The following RBFOX1 variants were observed in gnomAD, a reference collection of about 807,000 sequenced individuals.
RBFOX1 encodes RNA binding fox-1 homolog 1.
In RBFOX1, 8 loss-of-function variants were observed where a neutral mutation model predicts 57.7. The ratio of observed to expected loss-of-function variants is 0.14; its 90% CI spans 0.08 to 0.25. RBFOX1 has a LOEUF of 0.25. RBFOX1 is among the 10% of genes least tolerant of loss of function. RBFOX1 has a pLI of 1.00. For synonymous variants in RBFOX1, 326 were observed against 222.4 expected, an observed-to-expected ratio of 1.47 and a Z score of -4.15; for missense variants, 611 against 548.5, an observed-to-expected ratio of 1.11 and a Z score of -1.14.
At chr16:6,128,211 A>G (rs986514485) in intron 1 of RBFOX1, among the ~76,000 whole-genome samples, 2 of 152,194 alleles carry the variant, frequency 1.3e-5, no homozygotes, top group African/African-American at 2.4e-5. Context: ...TATTGGGTTA[A>G]ATTCAATATA....
At position 7,391,781 on chromosome 16, in the gene RBFOX1, TAAAAGG is replaced by T. The variant is rs538199508; in HGVS notation, c.28-126363_28-126358del. ...TATACAGTAGGCTTTTAACAGTGACTAAAAGGAAGAGTGAGTCGGTGGATGGATGGA... is the reference window on the plus strand; with the variant it reads ...TATACAGTAGGCTTTTAACAGTGACTAAGAGTGAGTCGGTGGATGGATGGA... On this transcript the variant is annotated intron_variant, in intron 4 of 15. Coordinates refer to ENST00000550418, the MANE Select transcript of RBFOX1 (RefSeq NM_018723.4). Among the ~76,000 whole-genome samples the T allele has an allele frequency of 1.4e-4, 21 of 152,318 alleles. No homozygotes were observed. The South Asian group carries it at 4.3e-3, about 32-fold the overall frequency.
At chr16:7,672,936 C>G (rs1379416186) in intron 13 of RBFOX1, among the ~76,000 whole-genome samples, 1 of 134,584 alleles carries the variant, frequency 7.4e-6, no homozygotes, top group African/African-American at 2.8e-5. Context: ...TTAAAATGTT[C>G]TTATAAGTAT....
At chr16:5,255,526 A>G (rs1002937229) in intron 1 of RBFOX1, among the ~76,000 whole-genome samples, 4 of 151,342 alleles carry the variant, frequency 2.6e-5, no homozygotes, top group Middle Eastern at 3.2e-3. Flanking sequence ...CCATGCATCT[A>G]TCCACCCATT....
intron 4 of RBFOX1, among the ~76,000 whole-genome samples, chr16:7,472,216 A>C (rs550364778): frequency 6.6e-6 from 1 of 152,194 alleles, no homozygotes; most frequent in Non-Finnish European, 1.5e-5. Flanking sequence ...ACATAGACTT[A>C]GATGTATGTC....
chr16:6,774,004 C>G (rs2078907018), intron 3 of RBFOX1: 1 of 985,294 alleles, frequency 1.0e-6, no homozygotes, highest in Non-Finnish European at 1.2e-6. Flanking sequence ...ATTAGCTCCT[C>G]AGAGACCAGG....
intron 2 of RBFOX1, among the ~76,000 whole-genome samples, chr16:6,487,598 G>C (rs1274527741): frequency 7.2e-6 from 1 of 139,364 alleles, no homozygotes; most frequent in Non-Finnish European, 1.6e-5. Context: ...TGAAGGCCAG[G>C]AAAGACTTTT....
intron 2 of RBFOX1, among the ~76,000 whole-genome samples, chr16:6,597,532 G>T (rs2097788788): frequency 6.6e-6 from 1 of 152,084 alleles, no homozygotes; most frequent in Non-Finnish European, 1.5e-5. Context: ...AATTAGCCAG[G>T]CGTGGTTGCA....
chr16:7,083,517 A>G lies in RBFOX1; in HGVS notation c.27+31419A>G, dbSNP rs1035026488. ...TGGTGTATCAGAGGCCATGAAGTATAGCCTGTGTACACCCCTCACCGTGGA... is the reference window on the plus strand; with the variant it reads ...TGGTGTATCAGAGGCCATGAAGTATGGCCTGTGTACACCCCTCACCGTGGA... On this transcript the variant is annotated intron_variant, in intron 4 of 15. Transcript: ENST00000550418. Among the ~76,000 whole-genome samples, 3 of 152,266 alleles carry G rather than the reference A, an allele frequency of 2.0e-5. No homozygotes were observed. The East Asian group carries it at 5.8e-4, about 30-fold the overall frequency.
intron 4 of RBFOX1, among the ~76,000 whole-genome samples, chr16:7,428,534 T>C (rs900659296): frequency 1.4e-5 from 2 of 144,550 alleles, no homozygotes; most frequent in Admixed American, 7.0e-5. Context: ...ATTATTATTA[T>C]TATTATTTGT....
At chr16:7,268,230 T>C (rs2095223782) in intron 4 of RBFOX1, among the ~76,000 whole-genome samples, 1 of 152,220 alleles carries the variant, frequency 6.6e-6, no homozygotes, top group Non-Finnish European at 1.5e-5. Flanking sequence ...CTGTAGTTAC[T>C]GAACTGAAAT....
chr16:6,361,926 C>A (rs1291874087), intron 2 of RBFOX1, among the ~76,000 whole-genome samples: 2 of 151,698 alleles, frequency 1.3e-5, no homozygotes, highest in African/African-American at 4.8e-5. Context: ...ATTCATTCAA[C>A]AAACACTTCT....
chr16:5,827,830 T>TGGCCATCCATCCATCCACCC (rs1219805624), intron 3 of RBFOX1, among the ~76,000 whole-genome samples: 1 of 151,654 alleles, frequency 6.6e-6, no homozygotes, highest in East Asian at 1.9e-4. Context: ...CCCATCCACC[T>TGGCCATCCATCCATCCACCC]GGCCATCCAT....
chr16:7,523,539 A>G, intron 5 of RBFOX1, among the ~76,000 whole-genome samples: 1 of 152,150 alleles, frequency 6.6e-6, no homozygotes, highest in East Asian at 1.9e-4. Context: ...GGAGAATGTA[A>G]ATGTATGGTG....
intron 4 of RBFOX1, among the ~76,000 whole-genome samples, chr16:7,189,554 A>ACACACACACACACACACACAC (rs1567633599): frequency 7.4e-6 from 1 of 135,810 alleles, no homozygotes. Flanking sequence ...TGTCCCCCAA[A>ACACACACACACACACACACAC]ACACACACAC....
intron 9 of RBFOX1, among the ~76,000 whole-genome samples, chr16:7,606,456 A>G (rs1371861872): frequency 1.3e-5 from 2 of 152,192 alleles, no homozygotes; most frequent in East Asian, 3.8e-4. Flanking sequence ...AGCCAGCAGG[A>G]GCAGGAAACA....
At position 5,323,024 on chromosome 16, in the gene RBFOX1, G is replaced by A. The variant is rs1431621697; in HGVS notation, c.219+82919G>A. ...AGACCTGACTCCCCACTCCCTAGCT[G>A]GATCTCCTTGGATAAGTCATTCTGC... On this transcript the variant is annotated intron_variant, in intron 1 of 2. Transcript: ENST00000585867. Among the ~76,000 whole-genome samples the A allele has an allele frequency of 2.0e-5, 3 of 152,130 alleles. No individual in the cohort carries two copies. The East Asian group carries it at 5.8e-4, about 29-fold the overall frequency.
At chr16:6,796,146 C>A (rs1239463895) in intron 3 of RBFOX1, among the ~76,000 whole-genome samples, 1 of 152,028 alleles carries the variant, frequency 6.6e-6, no homozygotes, top group East Asian at 1.9e-4. Flanking sequence ...GTATGTCTCA[C>A]ATGGTGGCGG....
At chr16:7,634,823 G>C (rs2061511344) in intron 11 of RBFOX1, among the ~76,000 whole-genome samples, 1 of 152,162 alleles carries the variant, frequency 6.6e-6, no homozygotes, top group Non-Finnish European at 1.5e-5. Context: ...CTCATCCAGA[G>C]TGTAAAATGG....
intron 3 of RBFOX1, among the ~76,000 whole-genome samples, chr16:5,849,851 G>C (rs1409327270): frequency 2.0e-5 from 3 of 152,086 alleles, no homozygotes; most frequent in Non-Finnish European, 4.4e-5. Flanking sequence ...TTCCCAAGAG[G>C]CATTCTGTTC....
Sources: gnomAD v4.1 joint callset for allele counts (sites outside exome capture counted in the v4.1 genomes callset) on GRCh38, gnomAD v4.1.1 for gene constraint, MANE v1.5 for transcripts, NCBI Gene and HGNC (gene_info 2026-07-23, HGNC 2026-07-21) for gene names.